FHAD1: variants seen among roughly 807,000 people sequenced by gnomAD.
FHAD1 encodes forkhead-associated domain-containing protein 1.
In FHAD1, 146 loss-of-function variants were observed where a neutral mutation model predicts 191.3. The observed-to-expected ratio is 0.76, with a 90% CI of 0.67 to 0.88. FHAD1 has a LOEUF of 0.88. FHAD1 is among the 40% of genes least tolerant of loss of function. The pLI is 0.00. For missense variants in FHAD1, 1,635 were observed against 1,785.8 expected (o/e 0.92, Z 1.52); for synonymous variants, 616 against 672.3 (o/e 0.92, Z 1.29).
chr1:15,335,538 A>C (rs1348763924), intron 14 of FHAD1: 2 of 152,186 alleles, frequency 1.3e-5, no homozygotes, highest in East Asian at 3.9e-4. Flanking sequence ...AAAAGACATC[A>C]AACTGTTAGG....
chr1:15,295,193 A>G (rs1666517293), intron 4 of FHAD1, among the ~76,000 whole-genome samples: 1 of 152,238 alleles, frequency 6.6e-6, no homozygotes, highest in African/African-American at 2.4e-5. Flanking sequence ...TGGGACCTTC[A>G]GCAAGTACTT....
rs563855344 is a variant in FHAD1 at position 15,280,867 on chromosome 1, A to G, written c.300+8338A>G. On this transcript the variant is annotated intron_variant, in intron 3 of 33. Transcript: ENST00000688493. ...AAAACTTTAAGCTAGAAGGTTTACAAAGATGGAAAGTAAGATGGGCCAGAA... is the reference window on the plus strand; with the variant it reads ...AAAACTTTAAGCTAGAAGGTTTACAGAGATGGAAAGTAAGATGGGCCAGAA... Among the ~76,000 whole-genome samples the G allele has an allele frequency of 2.6e-5, 4 of 152,340 alleles. No individual in the cohort carries two copies. In the East Asian group the frequency reaches 5.8e-4, roughly 22 times the overall value.
intron 31 of FHAD1, among the ~76,000 whole-genome samples, chr1:15,385,263 G>A (rs1312854823): frequency 6.6e-6 from 1 of 152,012 alleles, no homozygotes; most frequent in African/African-American, 2.4e-5. Context: ...GGAGAGGAAA[G>A]TAGAATTCCT....
intron 2 of FHAD1, among the ~76,000 whole-genome samples, chr1:15,255,899 G>A (rs1204975549): frequency 6.6e-6 from 1 of 152,206 alleles, no homozygotes; most frequent in African/African-American, 2.4e-5. Flanking sequence ...ATCTTGATCT[G>A]AAAAACAATG....
rs1418142164 is a variant in FHAD1 at position 15,349,139 on chromosome 1, A to T, written c.2444A>T (p.Gln815Leu). 4 of 1,550,100 alleles carry T rather than the reference A, an allele frequency of 2.6e-6. No individual in the cohort carries two copies. The highest frequency in any genetic ancestry group is 3.5e-6 in the Non-Finnish European group (4 of 1,145,734). Residue 815 changes from glutamine (Q) to leucine (L), a missense_variant, in exon 19 of 34, where the codon CAA (glutamine) becomes CTA (leucine). By Grantham distance (113) the Gln-to-Leu change is moderately radical (BLOSUM62 -2). Transcript: ENST00000688493. ...CAGGATCTGGAGAACCATTTAACCC[A>T]ACAGAAGGAGGTATGAGCAGCAGCA... ...KVQDLENHLT[Q>L]QKEISESNIA...
At chr1:15,387,643 G>T (rs1702464392) in intron 31 of FHAD1, among the ~76,000 whole-genome samples, 1 of 152,154 alleles carries the variant, frequency 6.6e-6, no homozygotes, top group South Asian at 2.1e-4. Flanking sequence ...CCAGCACTTT[G>T]GGAGGGTGAT....
At position 15,311,675 on chromosome 1, in the gene FHAD1, G is replaced by A. The variant is rs151295241; in HGVS notation, c.1040-1382G>A. On this transcript the variant is annotated intron_variant, in intron 7 of 33. Transcript: ENST00000688493. This position sits in a 1 kb window ranked among gnomAD's most constrained non-coding sequence, Gnocchi z 4.1. ...TGATTGATACCCACCAATAAAACTA[G>A]GATGAATGTTTTTCTAAGAAAAGGA... Among the ~76,000 whole-genome samples the A allele has an allele frequency of 2.1e-3, 315 of 152,238 alleles. No individual in the cohort carries two copies. Among genetic ancestry groups the A allele is most frequent in the African/African-American group, 7.1e-3 (295 of 41,528 alleles).
At chr1:15,252,028 G>T (rs2100788230) in intron 2 of FHAD1, among the ~76,000 whole-genome samples, 151 bp downstream of exon 2, 1 of 152,296 alleles carries the variant, frequency 6.6e-6, no homozygotes, top group African/African-American at 2.4e-5. Context: ...CCAATAGCCA[G>T]TTGCCAAGGG....
chr1:15,287,749 G>T (rs1391251230), intron 3 of FHAD1, among the ~76,000 whole-genome samples: 1 of 152,148 alleles, frequency 6.6e-6, no homozygotes, highest in Non-Finnish European at 1.5e-5. Context: ...CCAAGAAAGA[G>T]CCTTAGGGGG....
downstream of FHAD1, among the ~76,000 whole-genome samples, chr1:15,401,369 T>G (rs1220097785): frequency 1.3e-5 from 2 of 152,244 alleles, no homozygotes; most frequent in African/African-American, 4.8e-5. Flanking sequence ...CTACTGATTC[T>G]GAGAAGCTAC....
rs575966446 is a variant in FHAD1 at position 15,279,638 on chromosome 1, G to T, written c.300+7109G>T. Reference sequence around the variant, plus strand: ...CAGATTCTTGCCCCACCTGTAATGAGGTGGCCACTGGCAACCCCAGCACCT... The same window carrying T: ...CAGATTCTTGCCCCACCTGTAATGATGTGGCCACTGGCAACCCCAGCACCT... On this transcript the variant is annotated intron_variant, in intron 3 of 33. Coordinates refer to ENST00000688493, the MANE Select transcript of FHAD1 (RefSeq NM_001391957.1). Among the ~76,000 whole-genome samples the T allele has an allele frequency of 1.9e-4, 29 of 151,440 alleles. 1 individual carries two copies. Among genetic ancestry groups the T allele is most frequent in the Admixed American group, 1.4e-3 (21 of 15,208 alleles).
Position 15,316,371 on chromosome 1 carries a change from T to C in FHAD1, c.1171-7T>C. 2 of 1,551,354 alleles carry C rather than the reference T, an allele frequency of 1.3e-6. No homozygotes were observed. Among genetic ancestry groups the C allele is most frequent in the Non-Finnish European group, 1.7e-6 (2 of 1,146,862 alleles). Reference sequence around the variant, plus strand: ...GGCCTCTTTCTGTGTTGCCCTTTTCTCCACAGTGCTCGGTGCTAAAGGAAG... The same window carrying C: ...GGCCTCTTTCTGTGTTGCCCTTTTCCCCACAGTGCTCGGTGCTAAAGGAAG... On this transcript the variant is annotated splice_polypyrimidine_tract_variant and splice_region_variant and intron_variant, in intron 8 of 33. Transcript: ENST00000688493. This position sits in a 1 kb window ranked among gnomAD's most constrained non-coding sequence, Gnocchi z 4.3.
At chr1:15,342,238 G>A (rs971902131) in intron 16 of FHAD1, among the ~76,000 whole-genome samples, 1 of 152,194 alleles carries the variant, frequency 6.6e-6, no homozygotes, top group Admixed American at 6.5e-5. Context: ...AACTTCAGAT[G>A]ACAAATTTCA....
intron 2 of FHAD1, among the ~76,000 whole-genome samples, chr1:15,254,618 T>G (rs930719302): frequency 6.6e-6 from 1 of 152,204 alleles, no homozygotes; most frequent in African/African-American, 2.4e-5. Context: ...ATAAAAATAA[T>G]TGACTGCTTA....
In FHAD1 at chr1:15,279,454, G is replaced by A. The variant is rs530151863; in HGVS notation, c.300+6925G>A. 5.7e-4 allele frequency among the ~76,000 whole-genome samples: 42 copies of A among 74,188 alleles called. No individual in the cohort carries two copies. In the South Asian group the frequency reaches 0.012, roughly 20 times the overall value. The allele number at this position is 74,188 out of a possible 152,430, so 48.7% of individuals were successfully genotyped here. On this transcript the variant is annotated intron_variant, in intron 3 of 33. Transcript: ENST00000688493. Reference sequence around the variant, plus strand: ...TCTGTCTGTTAGGGTTACCTCTCTCGGCTTTGGAGCCCCCCCTCCCTCTTT... The same window carrying A: ...TCTGTCTGTTAGGGTTACCTCTCTCAGCTTTGGAGCCCCCCCTCCCTCTTT...
chr1:15,332,967 C>A (rs1001095983), intron 14 of FHAD1, among the ~76,000 whole-genome samples: 1 of 152,142 alleles, frequency 6.6e-6, no homozygotes, highest in African/African-American at 2.4e-5. Context: ...TTTCTTGATG[C>A]CCTTGCCCCG....
intron 19 of FHAD1, among the ~76,000 whole-genome samples, 192 bp downstream of exon 19, chr1:15,349,341 T>G (rs1164600303): frequency 6.6e-6 from 1 of 152,196 alleles, no homozygotes; most frequent in Non-Finnish European, 1.5e-5. Context: ...ATCTGTGAAA[T>G]GGGAATGCTA....
At chr1:15,368,314 G>A (rs6660764) in intron 25 of FHAD1, among the ~76,000 whole-genome samples, 1 of 152,110 alleles carries the variant, frequency 6.6e-6, no homozygotes, top group Non-Finnish European at 1.5e-5. Flanking sequence ...CGAGGACAGG[G>A]TCTGTGTAGA....
intron 23 of FHAD1, chr1:15,363,655 CG>C: frequency 2.3e-6 from 1 of 431,218 alleles, no homozygotes; most frequent in Non-Finnish European, 4.6e-6. Flanking sequence ...CTTGGTGGGG[CG>C]GGGCCCTGTA....
Sources: allele counts gnomAD v4.1 joint callset (sites outside exome capture counted in the v4.1 genomes callset), GRCh38; gene constraint gnomAD v4.1.1; non-coding constraint Gnocchi (gnomAD v3.1); transcripts MANE v1.5; gene names NCBI Gene and HGNC (gene_info 2026-07-23, HGNC 2026-07-21).